EVC2: variants seen among roughly 807,000 people sequenced by gnomAD.
EVC2 encodes the protein limbin.
In EVC2, 148 loss-of-function variants were observed where a neutral mutation model predicts 149.3. That is an observed-to-expected ratio of 0.99 (90% CI 0.87 to 1.14). The LOEUF (loss-of-function observed/expected upper bound fraction) is 1.14, where lower values mean the gene tolerates loss of function less well. EVC2 is among the 50% of genes most tolerant of loss of function. EVC2 has a pLI of 0.00. For synonymous variants in EVC2, 776 were observed against 649.9 expected (o/e 1.19, Z -2.95); for missense variants, 1,854 against 1,627.3 (o/e 1.14, Z -2.40).
At position 5,568,519 on chromosome 4, in the gene EVC2, G is replaced by A. The variant is rs145071652; in HGVS notation, c.3482C>T (p.Ser1161Leu). Residue 1161 changes from serine to leucine, a missense_variant, in exon 20 of 22, where the codon TCG becomes TTG. By Grantham distance (145) the Ser-to-Leu change is moderately radical. Coordinates refer to ENST00000344408, the MANE Select transcript of EVC2 (RefSeq NM_147127.5). Reference sequence around the variant, plus strand: ...GTGGTCCACATGTCTCTCGGTGGCCGAATCCAGCAGGGCCAGCAGCTGAGG... The same window carrying A: ...GTGGTCCACATGTCTCTCGGTGGCCAAATCCAGCAGGGCCAGCAGCTGAGG... ...SQPQLLALLDSATERHVDHAA... is the reference protein window; with the variant it reads ...SQPQLLALLDLATERHVDHAA... 38 of 1,593,106 alleles carry A rather than the reference G, an allele frequency of 2.4e-5. No individual in the cohort carries two copies. The highest frequency in any genetic ancestry group is 8.0e-5 in the African/African-American group (6 of 74,582).
the EVC2 span, among the ~76,000 whole-genome samples, chr4:5,535,329 C>T: frequency 2.6e-5 from 4 of 152,152 alleles, no homozygotes; most frequent in African/African-American, 9.7e-5. The surrounding 1 kb of genome is among the most constrained non-coding windows in gnomAD (Gnocchi z 4.7). Flanking sequence ...CTCATCCAAG[C>T]ATTTTTCTCT....
At chr4:5,644,934 C>T (rs1459151329) in intron 9 of EVC2, among the ~76,000 whole-genome samples, 1 of 152,136 alleles carries the variant, frequency 6.6e-6, no homozygotes, top group East Asian at 1.9e-4. Context: ...TGTTGATGGG[C>T]ACTTAGGTTG....
At chr4:5,668,078 C>A (rs900697606) in intron 7 of EVC2, among the ~76,000 whole-genome samples, 11 of 152,204 alleles carry the variant, frequency 7.2e-5, no homozygotes, top group Non-Finnish European at 1.5e-4. Flanking sequence ...GCATCTGTCT[C>A]CAGAAAAGCC....
At chr4:5,615,363 T>C in intron 16 of EVC2, 59 bp downstream of exon 16, 1 of 1,612,384 alleles carries the variant, frequency 6.2e-7, no homozygotes, top group Non-Finnish European at 8.5e-7. Flanking sequence ...ATGTGTCAGC[T>C]ATCAGAGCAG....
Position 5,656,197 on chromosome 4 carries a change from G to C in EVC2, c.1145+6910C>G, listed in dbSNP as rs73198201. ...TCAGAAGACCTGGGTTTGAGCCCTG[G>C]ACCAACCATTGCTGATGGAGAGGTA... is the stretch of plus-strand genomic sequence containing the variant. On this transcript the variant is annotated intron_variant, in intron 9 of 21. Coordinates refer to ENST00000344408, the MANE Select transcript of EVC2 (RefSeq NM_147127.5). Among the ~76,000 whole-genome samples the C allele has an allele frequency of 5.3e-5, 8 of 152,046 alleles. No individual in the cohort carries two copies. The South Asian group carries it at 8.3e-4, about 16-fold the overall frequency.
chr4:5,606,198 C>T (rs1372001270), intron 16 of EVC2, among the ~76,000 whole-genome samples: 1 of 152,126 alleles, frequency 6.6e-6, no homozygotes, highest in Non-Finnish European at 1.5e-5. Context: ...ACCTCATGAC[C>T]CGGCTCCCAC....
chr4:5,532,997 T>C, the EVC2 span, among the ~76,000 whole-genome samples: 1 of 150,934 alleles, frequency 6.6e-6, no homozygotes, highest in African/African-American at 2.4e-5. Context: ...TATTCACTCA[T>C]TCATTCAGCA....
At position 5,565,508 on chromosome 4, in the gene EVC2, TAAAAAATAC is replaced by T. The variant is rs373807963; in HGVS notation, c.3558-158_3558-150del. The stretch of plus-strand genomic sequence containing the variant: ...CAACATGGTGAAACCCAGTCTCTAC[TAAAAAATAC>T]AAAAATTAGCAGGGCGTGGTAGTGG... On this transcript the variant is annotated intron_variant, in intron 20 of 21. Coordinates refer to ENST00000344408, the MANE Select transcript of EVC2 (RefSeq NM_147127.5). The T allele has an allele frequency of 8.4e-4, 562 of 672,958 alleles. 3 individuals carry two copies. In the African/African-American group the frequency reaches 9.5e-3, roughly 11 times the overall value. The allele number at this position is 672,958 out of a possible 1,614,324, so 41.7% of individuals were successfully genotyped here.
chr4:5,661,861 G>A (rs1407274355), intron 9 of EVC2, among the ~76,000 whole-genome samples: 1 of 152,178 alleles, frequency 6.6e-6, no homozygotes. Context: ...CCTCTCTCCA[G>A]TTCTCATCCA....
chr4:5,577,314 C>A (rs149867190), intron 17 of EVC2, among the ~76,000 whole-genome samples: 45 of 152,292 alleles, frequency 3.0e-4, no homozygotes, highest in Non-Finnish European at 5.3e-4. Context: ...ATTCTTAGGC[C>A]ACCAGGATTA....
chr4:5,589,584 G>A (rs888323419), intron 16 of EVC2, among the ~76,000 whole-genome samples: 37 of 152,150 alleles, frequency 2.4e-4, no homozygotes, highest in Admixed American at 2.2e-3. Context: ...TAGTAGACCT[G>A]CTGGGTTCCT....
chr4:5,543,549 AT>A (rs1298844184), intron 21 of EVC2, among the ~76,000 whole-genome samples: 15 of 152,170 alleles, frequency 9.9e-5, no homozygotes, highest in African/African-American at 3.4e-4. Flanking sequence ...TACATTACAA[AT>A]AAAAACCAGT....
At position 5,685,457 on chromosome 4, in the gene EVC2, G is replaced by T; in HGVS notation, c.729C>A (p.Ser243Arg). The change falls in exon 6 of 22, where the codon AGC (serine) becomes AGA (arginine). Residue 243 changes from serine to arginine, a missense_variant. Physicochemically the swap from Ser to Arg is moderately radical, Grantham distance 110 (BLOSUM62 -1). Coordinates refer to ENST00000344408, the MANE Select transcript of EVC2 (RefSeq NM_147127.5). ...CTCCAGCCTGGAGCGTGGCTGCGTA[G>T]CTGACAGCAAAGGCATCTCCCACTG... The part of the protein sequence containing the change: ...FLQVGDAFAV[S>R]YAATLQAGDL... 6.2e-7 allele frequency: 1 copy of T among 1,614,200 alleles called. No homozygotes were observed. Among genetic ancestry groups the T allele is most frequent in the Non-Finnish European group, 8.5e-7 (1 of 1,180,032 alleles).
At chr4:5,646,394 A>G (rs953405488) in intron 9 of EVC2, among the ~76,000 whole-genome samples, 2 of 151,232 alleles carry the variant, frequency 1.3e-5, no homozygotes, top group Non-Finnish European at 2.9e-5. Flanking sequence ...CCACTTTTTA[A>G]TGGCTTTTTT....
rs931457705 is a variant in EVC2 at position 5,707,578 on chromosome 4, G to C, written c.228+708C>G. On this transcript the variant is annotated intron_variant, in intron 1 of 21. Coordinates refer to ENST00000344408, the MANE Select transcript of EVC2 (RefSeq NM_147127.5). ...CTGGGGGAAAATGGATGGGAGACGT[G>C]GGAAAACCATCACCAAGGGCTGGAA... 6.6e-5 allele frequency among the ~76,000 whole-genome samples: 10 copies of C among 152,088 alleles called. No homozygotes were observed. The East Asian group carries it at 1.9e-3, about 29-fold the overall frequency.
chr4:5,697,698 G>C, intron 1 of EVC2, 51 bp from the exon 2 acceptor site: 1 of 1,500,094 alleles, frequency 6.7e-7, no homozygotes, highest in Non-Finnish European at 9.3e-7. Flanking sequence ...CTTCTGAGAA[G>C]TGATAATAAA....
At chr4:5,570,507 C>A (rs1193038592) in intron 19 of EVC2, among the ~76,000 whole-genome samples, 1 of 152,166 alleles carries the variant, frequency 6.6e-6, no homozygotes, top group Non-Finnish European at 1.5e-5. Context: ...CAGAAATGGA[C>A]CACAAAGTGT....
chr4:5,585,312 T>C (rs892339437), intron 16 of EVC2, among the ~76,000 whole-genome samples: 10 of 152,124 alleles, frequency 6.6e-5, no homozygotes, highest in Non-Finnish European at 1.3e-4. Context: ...CTACACACCA[T>C]GCGCTTTGTG....
intron 13 of EVC2, among the ~76,000 whole-genome samples, chr4:5,623,244 T>C (rs1220299550): frequency 1.3e-5 from 2 of 152,230 alleles, no homozygotes; most frequent in Non-Finnish European, 1.5e-5. Flanking sequence ...CAAGCGATTC[T>C]TGTGCCTCAA....
Sources: allele counts gnomAD v4.1 joint callset (sites outside exome capture counted in the v4.1 genomes callset), GRCh38; gene constraint gnomAD v4.1.1; non-coding constraint Gnocchi (gnomAD v3.1); transcripts MANE v1.5; gene names NCBI Gene and HGNC (gene_info 2026-07-23, HGNC 2026-07-21).